CPAP: variants seen among roughly 807,000 people sequenced by gnomAD.
CPAP encodes the protein centrosome assembly and centriole elongation protein.
chr13:24,915,270 G>A, the CPAP span, among the ~76,000 whole-genome samples: 1 of 152,040 alleles, frequency 6.6e-6, no homozygotes, highest in Admixed American at 6.6e-5. Context: ...ACTGAAATGC[G>A]GAAGATGGAG....
At chr13:24,928,826 T>G in the CPAP span, among the ~76,000 whole-genome samples, 1 of 152,146 alleles carries the variant, frequency 6.6e-6, no homozygotes, top group East Asian at 1.9e-4. Flanking sequence ...GTATTGGACT[T>G]ACAACAAAAG....
chr13:24,910,102 T>C, the CPAP span: 3 of 1,609,280 alleles, frequency 1.9e-6, no homozygotes, highest in Non-Finnish European at 2.5e-6. Context: ...AATTAAGAAA[T>C]GCAACAAAGC....
chr13:24,907,200 A>T, the CPAP span: 6 of 1,582,098 alleles, frequency 3.8e-6, no homozygotes, highest in Admixed American at 1.7e-5. Context: ...GGGCCTAATT[A>T]GAAACAGAAA....
At chr13:24,885,745 T>C in the CPAP span, 10 of 1,013,094 alleles carry the variant, frequency 9.9e-6, 1 homozygote, top group Middle Eastern at 2.9e-4. Flanking sequence ...ACACATTTCC[T>C]TAGTTCATAT....
At chr13:24,891,832 G>A in the CPAP span, among the ~76,000 whole-genome samples, 4 of 152,018 alleles carry the variant, frequency 2.6e-5, no homozygotes, top group Admixed American at 6.6e-5. Flanking sequence ...AGCCCACCCC[G>A]AGGGCTGGCC....
chr13:24,904,490 T>C, the CPAP span, among the ~76,000 whole-genome samples: 51 of 152,314 alleles, frequency 3.3e-4, no homozygotes, highest in African/African-American at 1.2e-3. Flanking sequence ...AAATGTAAAA[T>C]AGCCAGTGCT....
At chr13:24,884,645 AT>A in the CPAP span, among the ~76,000 whole-genome samples, 7 of 152,188 alleles carry the variant, frequency 4.6e-5, no homozygotes, top group South Asian at 1.5e-3. Context: ...TTCCTTTTCC[AT>A]GTATTAGCTG....
At chr13:24,892,923 A>G in the CPAP span, 1 of 1,242,870 alleles carries the variant, frequency 8.0e-7, no homozygotes, top group Non-Finnish European at 1.2e-6. Context: ...CAGAATTAAA[A>G]CAATAGAAGA....
the CPAP span, chr13:24,909,969 T>G: frequency 6.2e-7 from 1 of 1,614,090 alleles, no homozygotes; most frequent in African/African-American, 1.3e-5. Flanking sequence ...GTATGTTTCT[T>G]CCTGGGTTGG....
chr13:24,912,321 A>G, the CPAP span, among the ~76,000 whole-genome samples: 5 of 152,250 alleles, frequency 3.3e-5, no homozygotes, highest in Non-Finnish European at 7.3e-5. Flanking sequence ...TAGGATGGGC[A>G]TCAGTACATC....
the CPAP span, chr13:24,912,779 T>C: frequency 3.1e-6 from 5 of 1,614,246 alleles, no homozygotes; most frequent in East Asian, 2.2e-5. Context: ...TAAGGGTTGT[T>C]TGACTCCAAC....
chr13:24,914,580 G>A, the CPAP span, among the ~76,000 whole-genome samples: 2 of 152,080 alleles, frequency 1.3e-5, no homozygotes, highest in Non-Finnish European at 2.9e-5. Flanking sequence ...CAGTATCACT[G>A]AGCCTGGAGA....
At chr13:24,882,851 T>C in the CPAP span, 10 of 338,688 alleles carry the variant, frequency 3.0e-5, no homozygotes, top group East Asian at 7.5e-4. Context: ...GACATCTAGG[T>C]GATGTACTTC....
chr13:24,892,856 C>T, the CPAP span: 8 of 1,601,986 alleles, frequency 5.0e-6, no homozygotes, highest in Non-Finnish European at 6.8e-6. Context: ...CTGCTATTTG[C>T]TGTTTTAAAG....
chr13:24,917,783 G>T, the CPAP span, among the ~76,000 whole-genome samples: 2 of 152,216 alleles, frequency 1.3e-5, no homozygotes, highest in African/African-American at 4.8e-5. Flanking sequence ...CTGGAGCTGG[G>T]AAAAACAAGA....
chr13:24,926,070 C>G, the CPAP span, among the ~76,000 whole-genome samples: 1 of 152,212 alleles, frequency 6.6e-6, no homozygotes, highest in African/African-American at 2.4e-5. Context: ...CGTCTGAGTA[C>G]TCGTTTCATC....
At chr13:24,921,043 T>G in the CPAP span, among the ~76,000 whole-genome samples, 1 of 152,166 alleles carries the variant, frequency 6.6e-6, no homozygotes, top group African/African-American at 2.4e-5. Context: ...AAGTTGATCA[T>G]ACAAATTGAG....
chr13:24,883,082 ACAC>A, the CPAP span: 1 of 1,108,238 alleles, frequency 9.0e-7, no homozygotes, highest in Non-Finnish European at 1.4e-6. Flanking sequence ...TCTTTTCCCC[ACAC>A]ATACACAATA....
At chr13:24,892,153 C>A in the CPAP span, among the ~76,000 whole-genome samples, 2 of 152,188 alleles carry the variant, frequency 1.3e-5, no homozygotes, top group Non-Finnish European at 2.9e-5. Flanking sequence ...AATGCAGTGC[C>A]TGGCACACCC....
Sources: gnomAD v4.1 joint callset for allele counts (sites outside exome capture counted in the v4.1 genomes callset) on GRCh38, gnomAD v4.1.1 for gene constraint, MANE v1.5 for transcripts, NCBI Gene and HGNC (gene_info 2026-07-23, HGNC 2026-07-21) for gene names.